Variants in FTO observed in about 807,000 individuals in gnomAD.
FTO encodes FTO alpha-ketoglutarate dependent dioxygenase.
FTO carries 47 observed loss-of-function variants against 63.9 expected under a neutral mutation model. That is an observed-to-expected ratio of 0.74 (90% CI 0.58 to 0.94). The LOEUF (loss-of-function observed/expected upper bound fraction) is 0.94, where lower values mean the gene tolerates loss of function less well. Among genes scored for constraint, FTO ranks in the 40% least tolerant of loss-of-function variants. FTO has a pLI of 0.00. For missense variants in FTO, 562 were observed against 618.1 expected (o/e 0.91, Z 0.96); for synonymous variants, 207 against 224.4 (o/e 0.92, Z 0.69).
rs1362197859 is a variant in FTO, at chr16:53,954,554, C to G, written c.1364+20445C>G. The stretch of plus-strand genomic sequence containing the variant: ...AAGAAGGTCAAAGGGAAGTGGCTGA[C>G]ATAAAACTTAGGTGCAGAACTCTGG... On this transcript the variant is annotated intron_variant, in intron 8 of 8. Transcript: ENST00000471389. Among the ~76,000 whole-genome samples, 3 of 152,084 alleles carry G rather than the reference C, an allele frequency of 2.0e-5. No homozygotes were observed. In the East Asian group the frequency reaches 5.8e-4, roughly 29 times the overall value.
At chr16:53,744,721 C>A (rs906863274) in intron 1 of FTO, among the ~76,000 whole-genome samples, 3 of 152,168 alleles carry the variant, frequency 2.0e-5, no homozygotes, top group Non-Finnish European at 2.9e-5. Context: ...CCGAGTGCTT[C>A]TTGTTTACAG....
rs1406346584 is a variant in FTO, at chr16:54,117,672, A to T, written c.*5757A>T. Reference sequence around the variant, plus strand: ...TTTTTCGCTAGGCGGATGGCATGGAACTTTTTATAAATGAGATATTATGAA... The same window carrying T: ...TTTTTCGCTAGGCGGATGGCATGGATCTTTTTATAAATGAGATATTATGAA... On this transcript the variant is annotated 3_prime_UTR_variant, in exon 9 of 9. Transcript: ENST00000471389. 3 of 152,190 alleles carry T rather than the reference A, an allele frequency of 2.0e-5. No individual in the cohort carries two copies. The highest frequency in any genetic ancestry group is 4.4e-5 in the Non-Finnish European group (3 of 68,038). The allele number at this position is 152,190 out of a possible 1,614,324, so 9.4% of individuals were successfully genotyped here. A position where few individuals can be genotyped will look rare whatever the true frequency, so the allele number is the denominator to read the frequency against.
intron 1 of FTO, among the ~76,000 whole-genome samples, chr16:53,737,290 C>G (rs912656108): frequency 2.0e-5 from 3 of 152,154 alleles, no homozygotes; most frequent in African/African-American, 7.2e-5. Flanking sequence ...TACAATCATG[C>G]ATTGCTTAAT....
intron 8 of FTO, among the ~76,000 whole-genome samples, chr16:53,976,789 A>ATT (rs2083446259): frequency 6.6e-6 from 1 of 151,944 alleles, no homozygotes; most frequent in African/African-American, 2.4e-5. Context: ...ATTTCTAGAT[A>ATT]TTTGTGTTTA....
At chr16:53,927,817 A>G (rs1018624049) in intron 7 of FTO, among the ~76,000 whole-genome samples, 2 of 152,316 alleles carry the variant, frequency 1.3e-5, no homozygotes, top group Middle Eastern at 3.4e-3. Context: ...TTCCACCACT[A>G]GGGATATGCA....
chr16:54,050,571 T>C (rs192088600), intron 8 of FTO, among the ~76,000 whole-genome samples: 1 of 152,302 alleles, frequency 6.6e-6, no homozygotes, highest in East Asian at 1.9e-4. Context: ...GAATCCTTGC[T>C]GCTCCAGTCC....
At chr16:54,094,455 G>A (rs1397498756) in intron 8 of FTO, among the ~76,000 whole-genome samples, 1 of 152,192 alleles carries the variant, frequency 6.6e-6, no homozygotes, top group Non-Finnish European at 1.5e-5. Flanking sequence ...CATTTCAGAA[G>A]CAAACCTTGC....
chr16:53,863,099 A>G (rs975150982), intron 4 of FTO, among the ~76,000 whole-genome samples: 5 of 152,164 alleles, frequency 3.3e-5, no homozygotes, highest in African/African-American at 1.2e-4. Flanking sequence ...TTCTGATCTC[A>G]TACTGTTTCA....
At chr16:53,816,621 C>T (rs1181895054) in intron 2 of FTO, among the ~76,000 whole-genome samples, 1 of 152,040 alleles carries the variant, frequency 6.6e-6, no homozygotes, top group Non-Finnish European at 1.5e-5. Flanking sequence ...CTCATCCCCC[C>T]AGGCATCTGC....
At chr16:53,962,534 T>G (rs1431288946) in intron 8 of FTO, among the ~76,000 whole-genome samples, 6 of 152,142 alleles carry the variant, frequency 3.9e-5, no homozygotes, top group African/African-American at 1.4e-4. Flanking sequence ...AAGAGAGACA[T>G]GGGGTTTTGT....
intron 8 of FTO, among the ~76,000 whole-genome samples, chr16:54,111,016 T>A (rs1284105837): frequency 1.3e-5 from 2 of 152,202 alleles, no homozygotes; most frequent in African/African-American, 2.4e-5. Flanking sequence ...TGCCCCAATT[T>A]TTTTCCTGTG....
At chr16:53,955,608 A>G (rs2082910852) in intron 8 of FTO, among the ~76,000 whole-genome samples, 1 of 152,188 alleles carries the variant, frequency 6.6e-6, no homozygotes, top group African/African-American at 2.4e-5. Context: ...TCCAAATTCT[A>G]TTTACAAAGT....
At chr16:54,111,286 G>T (rs1326761295) in intron 8 of FTO, among the ~76,000 whole-genome samples, 1 of 152,078 alleles carries the variant, frequency 6.6e-6, no homozygotes, top group Non-Finnish European at 1.5e-5. Flanking sequence ...AAATCTCCAG[G>T]ATCTCCAAAG....
chr16:53,951,865 G>A (rs1202288512), intron 8 of FTO, among the ~76,000 whole-genome samples: 1 of 151,760 alleles, frequency 6.6e-6, no homozygotes, highest in Non-Finnish European at 1.5e-5. Flanking sequence ...GCAATAATGT[G>A]GGTGGTTCAT....
chr16:54,059,569 G>A (rs1382596631), intron 8 of FTO, among the ~76,000 whole-genome samples: 1 of 152,200 alleles, frequency 6.6e-6, no homozygotes, highest in African/African-American at 2.4e-5. Context: ...ACAAGGGGCT[G>A]TAAAAGCTCG....
At chr16:53,928,577 T>C (rs2082202760) in intron 7 of FTO, among the ~76,000 whole-genome samples, 1 of 152,206 alleles carries the variant, frequency 6.6e-6, no homozygotes, top group Non-Finnish European at 1.5e-5. Flanking sequence ...AGAGTTTGAA[T>C]GTTCAAAGTT....
chr16:54,015,801 A>G lies in FTO; in HGVS notation c.1364+81692A>G, dbSNP rs528824332. On this transcript the variant is annotated intron_variant, in intron 8 of 8. Coordinates refer to ENST00000471389, the MANE Select transcript of FTO (RefSeq NM_001080432.3). ...CTGTTTGCCAGATAAGGAAGCTGAG[A>G]CTTCATACAGTGACTTACAAGTTCG... 3.8e-4 allele frequency among the ~76,000 whole-genome samples: 58 copies of G among 152,298 alleles called. 1 individual carries two copies. Among genetic ancestry groups the G allele is most frequent in the African/African-American group, 1.4e-3 (58 of 41,570 alleles).
At chr16:54,024,877 T>C (rs1253630395) in intron 8 of FTO, among the ~76,000 whole-genome samples, 1 of 152,210 alleles carries the variant, frequency 6.6e-6, no homozygotes, top group Non-Finnish European at 1.5e-5. Context: ...TTAGAGTAAA[T>C]GTTTTAATAG....
chr16:53,809,815 G>C (rs1018126936), intron 1 of FTO, among the ~76,000 whole-genome samples: 1 of 151,786 alleles, frequency 6.6e-6, no homozygotes, highest in African/African-American at 2.4e-5. Flanking sequence ...TGGTGGCACC[G>C]CTGTAGTCCC....
Sources: gnomAD v4.1 joint callset for allele counts (sites outside exome capture counted in the v4.1 genomes callset) on GRCh38, gnomAD v4.1.1 for gene constraint, MANE v1.5 for transcripts, NCBI Gene and HGNC (gene_info 2026-07-23, HGNC 2026-07-21) for gene names.